KIF11: variants seen among roughly 807,000 people sequenced by gnomAD.
KIF11 encodes the protein kinesin family member 11.
Under a neutral mutation model 121.0 loss-of-function variants are expected in KIF11, and 9 were observed. The observed-to-expected ratio is 0.07, with a 90% CI of 0.04 to 0.13. The LOEUF (loss-of-function observed/expected upper bound fraction) is 0.13, where lower values mean the gene tolerates loss of function less well. KIF11 is among the 10% of genes least tolerant of loss of function. KIF11 has a pLI of 1.00. For synonymous variants in KIF11, 408 were observed against 421.0 expected (o/e 0.97, Z 0.38); for missense variants, 846 against 1,217.5 (o/e 0.69, Z 4.54).
At chr10:92,644,326 TTTTA>T (rs576388559) in intron 17 of KIF11, among the ~76,000 whole-genome samples, 5 of 152,112 alleles carry the variant, frequency 3.3e-5, no homozygotes, top group Non-Finnish European at 7.4e-5. Context: ...GTTTTGTTTT[TTTTA>T]TTTGAGACAG....
intron 21 of KIF11, among the ~76,000 whole-genome samples, chr10:92,652,018 C>A (rs1488420423): frequency 1.4e-5 from 2 of 142,874 alleles, no homozygotes; most frequent in Admixed American, 1.5e-4. Flanking sequence ...GCTATGTTGG[C>A]CAGACTGGTC....
At chr10:92,640,665 C>T (rs989704295) in intron 17 of KIF11, among the ~76,000 whole-genome samples, 8 of 152,056 alleles carry the variant, frequency 5.3e-5, no homozygotes, top group Non-Finnish European at 1.0e-4. Flanking sequence ...CTCCTGACCT[C>T]GTGATCCGCC....
rs1182163345 is a variant in KIF11 at position 92,654,438 on chromosome 10, CCAA to C, written c.*645_*647del. ...CTTGAGCTTACATAGGTAAATATCA[CCAA>C]CATCTGTCCTTAGAAAGGACCATCT... On this transcript the variant is annotated 3_prime_UTR_variant, in exon 22 of 22. Transcript: ENST00000260731. 1 of 152,162 alleles carries C rather than the reference CCAA, an allele frequency of 6.6e-6. No homozygotes were observed. Among genetic ancestry groups the C allele is most frequent in the African/African-American group, 2.4e-5 (1 of 41,426 alleles). The allele number at this position is 152,162 out of a possible 1,614,324, so 9.4% of individuals were successfully genotyped here.
chr10:92,643,149 T>TTAAA (rs1198188983), intron 17 of KIF11, among the ~76,000 whole-genome samples: 1 of 152,112 alleles, frequency 6.6e-6, no homozygotes, highest in Non-Finnish European at 1.5e-5. Context: ...TGACCTCAAG[T>TTAAA]GATTTACCTG....
intron 10 of KIF11, among the ~76,000 whole-genome samples, chr10:92,623,522 C>A (rs971392203): frequency 1.3e-5 from 2 of 152,134 alleles, no homozygotes; most frequent in Non-Finnish European, 2.9e-5. Flanking sequence ...TTAGTATAAT[C>A]TTTTACTGAA....
At chr10:92,608,558 C>T (rs1234338986) in intron 4 of KIF11, among the ~76,000 whole-genome samples, 2 of 152,058 alleles carry the variant, frequency 1.3e-5, no homozygotes, top group Admixed American at 6.6e-5. Flanking sequence ...CCTGCCTCAG[C>T]CTCCTGAGTA....
rs61861451 is a variant in KIF11, at chr10:92,631,155, G to A, written c.1494+791G>A. On this transcript the variant is annotated intron_variant, in intron 12 of 21. Transcript: ENST00000260731. ...AAAAAAATACAAAAATTAGCCAGGC[G>A]TGGTGGCACATGCCTATAATCCCAT... Among the ~76,000 whole-genome samples the A allele has an allele frequency of 8.5e-4, 128 of 151,090 alleles. No individual in the cohort carries two copies. The Middle Eastern group carries it at 0.017, about 20-fold the overall frequency.
At chr10:92,594,980 G>T (rs1212324990) in intron 1 of KIF11, among the ~76,000 whole-genome samples, 1 of 151,970 alleles carries the variant, frequency 6.6e-6, no homozygotes, top group Non-Finnish European at 1.5e-5. Context: ...AGGTCCTCAG[G>T]GGTTGGTAAG....
At chr10:92,595,581 TAATATAA>T (rs1375765052) in intron 1 of KIF11, among the ~76,000 whole-genome samples, 2 of 152,124 alleles carry the variant, frequency 1.3e-5, no homozygotes, top group African/African-American at 4.8e-5. Context: ...CAAACACACA[TAATATAA>T]AATTTAACAT....
intron 10 of KIF11, among the ~76,000 whole-genome samples, chr10:92,624,614 G>A (rs1844652085): frequency 6.6e-6 from 1 of 152,142 alleles, no homozygotes; most frequent in African/African-American, 2.4e-5. Context: ...GTCTGCTGTG[G>A]ATGGATAGCT....
At chr10:92,624,759 CTG>C (rs1753996720) in intron 10 of KIF11, among the ~76,000 whole-genome samples, 2 of 148,142 alleles carry the variant, frequency 1.4e-5, no homozygotes, top group Non-Finnish European at 3.0e-5. Context: ...AATAGTATTT[CTG>C]TGTGTGTGTG....
intron 10 of KIF11, among the ~76,000 whole-genome samples, chr10:92,627,574 A>G (rs1467070633): frequency 2.0e-5 from 3 of 152,040 alleles, no homozygotes; most frequent in African/African-American, 4.8e-5. Context: ...GTTTTCTTTT[A>G]TGTTTTTCTT....
intron 17 of KIF11, among the ~76,000 whole-genome samples, chr10:92,642,044 A>C (rs1315604558): frequency 6.6e-6 from 1 of 151,618 alleles, no homozygotes; most frequent in Non-Finnish European, 1.5e-5. Context: ...TTTCTTTTCC[A>C]GGAGTATTTT....
Position 92,606,676 on chromosome 10 carries a change from C to G in KIF11, c.268C>G (p.Leu90Val), listed in dbSNP as rs1418734424. 2 of 1,589,948 alleles carry G rather than the reference C, an allele frequency of 1.3e-6. No homozygotes were observed. The highest frequency in any genetic ancestry group is 1.1e-5 in the South Asian group (1 of 90,514). ...DVYRSVVCPI[L>V]DEVIMGYNCT... ...TTACCGAAGTGTTGTTTGTCCAATT[C>G]TGGATGAAGTTATTATGGGCTATAA... The change falls in exon 3 of 22, where the codon CTG becomes GTG. Residue 90 changes from leucine (L) to valine (V), a missense_variant. Transcript: ENST00000260731.
At chr10:92,653,104 A>T (rs957788040) in intron 21 of KIF11, among the ~76,000 whole-genome samples, 7 of 152,242 alleles carry the variant, frequency 4.6e-5, no homozygotes, top group African/African-American at 1.7e-4. Flanking sequence ...GGTGGCCCAT[A>T]TACCAGTTTC....
chr10:92,606,994 C>G (rs541294513), intron 3 of KIF11, among the ~76,000 whole-genome samples, 165 bp from the exon 4 acceptor site: 100 of 152,218 alleles, frequency 6.6e-4, no homozygotes, highest in African/African-American at 2.2e-3. Context: ...CCAGGCTGGT[C>G]TCGAACTCCG....
At chr10:92,614,130 C>T (rs1379759792) in intron 8 of KIF11, among the ~76,000 whole-genome samples, 1 of 147,616 alleles carries the variant, frequency 6.8e-6, no homozygotes, top group Non-Finnish European at 1.5e-5. Context: ...AAATCCCACT[C>T]TTGTCCCCCA....
chr10:92,627,430 T>G (rs1844692142), intron 10 of KIF11, among the ~76,000 whole-genome samples: 1 of 152,208 alleles, frequency 6.6e-6, no homozygotes, highest in African/African-American at 2.4e-5. Flanking sequence ...CTTCTGATAT[T>G]TTTGTTGAAT....
chr10:92,642,225 T>G (rs1014785801), intron 17 of KIF11, among the ~76,000 whole-genome samples: 1 of 152,088 alleles, frequency 6.6e-6, no homozygotes, highest in Non-Finnish European at 1.5e-5. Flanking sequence ...CTTGAAGATT[T>G]TGGGTATTAT....
Sources: allele counts gnomAD v4.1 joint callset (sites outside exome capture counted in the v4.1 genomes callset), GRCh38; gene constraint gnomAD v4.1.1; transcripts MANE v1.5; gene names NCBI Gene and HGNC (gene_info 2026-07-23, HGNC 2026-07-21).